Variants in LRRC4C observed in about 807,000 individuals in gnomAD.
The protein encoded by LRRC4C is leucine rich repeat containing 4C.
A neutral mutation model predicts 33.6 loss-of-function variants in LRRC4C; 5 were observed. That is an observed-to-expected ratio of 0.15 (90% CI 0.08 to 0.31). The LOEUF (loss-of-function observed/expected upper bound fraction) is 0.31, where lower values mean the gene tolerates loss of function less well. Among genes scored for constraint, LRRC4C ranks in the 10% least tolerant of loss-of-function variants. The pLI, the probability that LRRC4C is intolerant of heterozygous loss-of-function variation, is 1.00. For synonymous variants in LRRC4C, 329 were observed against 302.0 expected (o/e 1.09, Z -0.93); for missense variants, 560 against 796.7 (o/e 0.70, Z 3.58).
At chr11:40,974,410 G>A (rs924724816) in intron 1 of LRRC4C, among the ~76,000 whole-genome samples, 3 of 152,092 alleles carry the variant, frequency 2.0e-5, no homozygotes. Context: ...GGATAACAGA[G>A]GACAGCTTCC....
chr11:40,738,136 A>G (rs1332776191), intron 2 of LRRC4C, among the ~76,000 whole-genome samples: 2 of 152,196 alleles, frequency 1.3e-5, no homozygotes, highest in Non-Finnish European at 2.9e-5. Flanking sequence ...TTCCCTATCT[A>G]ATAAATAGTG....
At chr11:40,543,426 A>G (rs553772070) in intron 3 of LRRC4C, among the ~76,000 whole-genome samples, 102 of 152,178 alleles carry the variant, frequency 6.7e-4, no homozygotes, top group Admixed American at 1.2e-3. Flanking sequence ...ACACTTTCTG[A>G]AAGCCACTGT....
At chr11:41,381,550 T>A (rs1953150466) in intron 1 of LRRC4C, among the ~76,000 whole-genome samples, 1 of 150,016 alleles carries the variant, frequency 6.7e-6, no homozygotes. Flanking sequence ...TCATTTGAAC[T>A]GAGAAGGCAG....
chr11:41,262,448 T>C (rs1300091111), intron 1 of LRRC4C, among the ~76,000 whole-genome samples: 1 of 151,630 alleles, frequency 6.6e-6, no homozygotes, highest in Non-Finnish European at 1.5e-5. Context: ...TCAAATACGT[T>C]CCAAACAGGG....
intron 1 of LRRC4C, among the ~76,000 whole-genome samples, chr11:40,984,389 AAG>A (rs1263466531): frequency 1.2e-5 from 1 of 85,650 alleles, no homozygotes; most frequent in African/African-American, 3.9e-5. Flanking sequence ...GAAAGAAAGA[AAG>A]AAAGAAAGAA....
intron 1 of LRRC4C, among the ~76,000 whole-genome samples, chr11:41,030,484 A>C (rs1856653273): frequency 6.6e-6 from 1 of 151,918 alleles, no homozygotes; most frequent in Admixed American, 6.6e-5. Flanking sequence ...GAATTGCAGG[A>C]GGGAGCGTTT....
At chr11:40,618,277 C>T (rs890002098) in intron 3 of LRRC4C, among the ~76,000 whole-genome samples, 11 of 151,396 alleles carry the variant, frequency 7.3e-5, no homozygotes, top group African/African-American at 2.7e-4. Flanking sequence ...GGAAAGACAG[C>T]CATATGATGA....
chr11:40,869,179 A>G (rs1006621824), intron 2 of LRRC4C, among the ~76,000 whole-genome samples: 1 of 152,162 alleles, frequency 6.6e-6, no homozygotes, highest in Non-Finnish European at 1.5e-5. Flanking sequence ...AGCAAACACA[A>G]CCCAGTTATG....
chr11:40,565,761 C>A (rs1957733359), intron 3 of LRRC4C, among the ~76,000 whole-genome samples: 1 of 151,998 alleles, frequency 6.6e-6, no homozygotes, highest in Non-Finnish European at 1.5e-5. Context: ...ACAGGTATAC[C>A]ACCTAAAGGA....
chr11:40,300,425 A>G (rs1273592424), intron 4 of LRRC4C, among the ~76,000 whole-genome samples: 1 of 152,222 alleles, frequency 6.6e-6, no homozygotes, highest in East Asian at 1.9e-4. Flanking sequence ...AAGAAAAAAT[A>G]ATTTGTTACC....
chr11:40,851,486 G>T lies in LRRC4C; in HGVS notation c.-407+82149C>A, dbSNP rs539809152. On this transcript the variant is annotated intron_variant, in intron 2 of 6. Transcript: ENST00000528697. ...TGCACCCACTGTCTAACTGGTCCCA[G>T]TGAGATGAACTGGCTACCTCAGTTG... Among the ~76,000 whole-genome samples the T allele has an allele frequency of 4.8e-4, 73 of 152,294 alleles. 1 individual carries two copies. The highest frequency in any genetic ancestry group is 1.4e-3 in the South Asian group (7 of 4,830).
chr11:40,556,802 C>A (rs954308959), intron 3 of LRRC4C, among the ~76,000 whole-genome samples: 1 of 152,130 alleles, frequency 6.6e-6, no homozygotes, highest in Non-Finnish European at 1.5e-5. Context: ...GATTAAAAAT[C>A]AAAAGTTCTA....
intron 1 of LRRC4C, among the ~76,000 whole-genome samples, chr11:41,010,817 C>CAA (rs753056301): frequency 0.027 from 4,062 of 152,224 alleles, 45 homozygotes; most frequent in Middle Eastern, 0.044. Context: ...TGCAGGAATC[C>CAA]AGTGAACATA....
At chr11:40,336,425 A>G (rs577522673) in intron 3 of LRRC4C, among the ~76,000 whole-genome samples, 2 of 152,220 alleles carry the variant, frequency 1.3e-5, no homozygotes, top group East Asian at 3.9e-4. Context: ...CGCCTGGACA[A>G]ACTTGAATGC....
intron 2 of LRRC4C, among the ~76,000 whole-genome samples, chr11:40,711,804 G>C (rs762781731): frequency 3.3e-5 from 5 of 151,856 alleles, no homozygotes; most frequent in African/African-American, 4.8e-5. Flanking sequence ...GAAAGAACTG[G>C]GTTTAATGCT....
chr11:41,077,782 G>T (rs1939265589), intron 1 of LRRC4C, among the ~76,000 whole-genome samples: 1 of 152,096 alleles, frequency 6.6e-6, no homozygotes. Flanking sequence ...CAGAAAATGG[G>T]TTTTTCTTTT....
rs1340910832 is a variant in LRRC4C at position 41,333,606 on chromosome 11, C to CT, written c.-496+125824dup. On this transcript the variant is annotated intron_variant, in intron 1 of 6. Coordinates refer to ENST00000528697, the MANE Select transcript of LRRC4C (RefSeq NM_001258419.2). The stretch of plus-strand genomic sequence containing the variant: ...CTTTAAATATGTAGGTACTTGCTGA[C>CT]TGCCCTTAACAGCTTTACCTTGTCT... 7.2e-5 allele frequency among the ~76,000 whole-genome samples: 11 copies of CT among 152,298 alleles called. No individual in the cohort carries two copies. The East Asian group carries it at 1.7e-3, about 24-fold the overall frequency.
intron 3 of LRRC4C, among the ~76,000 whole-genome samples, chr11:40,577,825 CTTTTTTCTTT>C (rs1253348568): frequency 7.3e-6 from 1 of 137,330 alleles, no homozygotes; most frequent in African/African-American, 2.6e-5. Flanking sequence ...TGTTTGTTTT[CTTTTTTCTTT>C]TTTTTTTTTT....
intron 1 of LRRC4C, among the ~76,000 whole-genome samples, chr11:41,319,834 A>C (rs1167404118): frequency 1.3e-5 from 2 of 152,190 alleles, no homozygotes; most frequent in African/African-American, 2.4e-5. Flanking sequence ...TACAGACATG[A>C]GACACCATAC....
Sources: allele counts gnomAD v4.1 joint callset (sites outside exome capture counted in the v4.1 genomes callset), GRCh38; gene constraint gnomAD v4.1.1; transcripts MANE v1.5; gene names NCBI Gene and HGNC (gene_info 2026-07-23, HGNC 2026-07-21).